The following DNAH2 variants were observed in gnomAD, a reference collection of about 807,000 sequenced individuals.
DNAH2 encodes axonemal beta dynein heavy chain 2.
In DNAH2, 323 loss-of-function variants were observed where a neutral mutation model predicts 523.5. The ratio of observed to expected loss-of-function variants is 0.62; its 90% CI spans 0.56 to 0.68. The LOEUF is 0.68. DNAH2 is among the 30% of genes least tolerant of loss of function. The probability of loss-of-function intolerance (pLI) is 0.00; values close to 1 mark genes in which losing one functional copy is unlikely to be tolerated. For synonymous variants in DNAH2, 2,093 were observed against 2,177.4 expected, an observed-to-expected ratio of 0.96 and a Z score of 1.08; for missense variants, 4,907 against 5,701.5, an observed-to-expected ratio of 0.86 and a Z score of 4.49.
At position 7,792,362 on chromosome 17, in the gene DNAH2, T is replaced by A. The variant is rs772531721; in HGVS notation, c.7145+19T>A. The A allele has an allele frequency of 2.7e-5, 43 of 1,612,232 alleles. No homozygotes were observed. The South Asian group carries it at 4.7e-4, about 18-fold the overall frequency. ...CTCCAAAGTAAGAGCTGGGCCTGGG[T>A]GTGAGGAGGGCATGGGGCAGCGGTA... On this transcript the variant is annotated intron_variant, in intron 46 of 85. Transcript: ENST00000572933.
Position 7,801,913 on chromosome 17 carries a change from G to A in DNAH2, c.8868G>A (p.Met2956Ile), listed in dbSNP as rs1567724138. 16 of 1,614,208 alleles carry A rather than the reference G, an allele frequency of 9.9e-6. No individual in the cohort carries two copies. Among genetic ancestry groups the A allele is most frequent in the Non-Finnish European group, 1.4e-5 (16 of 1,180,046 alleles). The change falls in exon 58 of 86, where the codon ATG becomes ATA. Residue 2956 changes from methionine (M) to isoleucine (I), a missense_variant. Transcript: ENST00000572933. The stretch of plus-strand genomic sequence containing the variant: ...AGGTGGCCCAGATCTTTGTCACTAT[G>A]CACTGGTCAGTAGCTCAGTATTCCC... ...HRKVAQIFVT[M>I]HWSVAQYSQK...
At position 7,759,914 on chromosome 17, in the gene DNAH2, C is replaced by T. The variant is rs148215103; in HGVS notation, c.2761C>T (p.Arg921Cys). ...PDILTKRKLH[R>C]EPIQTVVEQD... ...CATTCTCACCAAGCGCAAGTTACATCGTGAACCCATCCAAACAGTTGTGGG... is the reference window on the plus strand; with the variant it reads ...CATTCTCACCAAGCGCAAGTTACATTGTGAACCCATCCAAACAGTTGTGGG... Residue 921 changes from arginine (R) to cysteine (C), a missense_variant, in exon 17 of 86, where the codon CGT becomes TGT. Arg to Cys is a radical substitution (Grantham distance 180). Transcript: ENST00000572933. The T allele has an allele frequency of 6.2e-5, 100 of 1,614,168 alleles. No homozygotes were observed. In the African/African-American group the frequency reaches 1.0e-3, roughly 16 times the overall value.
intron 13 of DNAH2, 102 bp downstream of exon 13, chr17:7,757,339 C>T: frequency 7.0e-7 from 1 of 1,431,404 alleles, no homozygotes; most frequent in Non-Finnish European, 9.4e-7. Context: ...AATTTCTGTC[C>T]TCTACATCTT....
chr17:7,802,492 T>A (rs909211308), intron 58 of DNAH2, among the ~76,000 whole-genome samples: 3 of 152,156 alleles, frequency 2.0e-5, no homozygotes, highest in African/African-American at 7.2e-5. Context: ...TAGAATGGAG[T>A]ATCTGCATGT....
chr17:7,758,396 G>A, intron 13 of DNAH2, 99 bp from the exon 14 acceptor site: 1 of 1,402,982 alleles, frequency 7.1e-7, no homozygotes. Context: ...ATCTAGACTA[G>A]TGGTCTAGAA....
chr17:7,804,581 C>T (rs556138171), intron 59 of DNAH2, 115 bp downstream of exon 59: 2 of 1,222,542 alleles, frequency 1.6e-6, no homozygotes, highest in African/African-American at 1.5e-5. Flanking sequence ...TGCAGTGGCT[C>T]ACGCCTGTAA....
At chr17:7,726,271 G>A (rs929279150) in intron 3 of DNAH2, among the ~76,000 whole-genome samples, 32 of 150,696 alleles carry the variant, frequency 2.1e-4, no homozygotes, top group African/African-American at 6.8e-4. Flanking sequence ...CTCCCAAAGC[G>A]CTAGGATTAC....
chr17:7,818,628 T>C lies in DNAH2; in HGVS notation c.10537-15T>C. Reference sequence around the variant, plus strand: ...AGGAGTGACAGCCCCTCACTGTGAGTCCTGATGCCCCCAGGGCCTGGAGGC... The same window carrying C: ...AGGAGTGACAGCCCCTCACTGTGAGCCCTGATGCCCCCAGGGCCTGGAGGC... On this transcript the variant is annotated splice_polypyrimidine_tract_variant and intron_variant, in intron 69 of 85. Transcript: ENST00000572933. 2 of 1,613,426 alleles carry C rather than the reference T, an allele frequency of 1.2e-6. No homozygotes were observed. Among genetic ancestry groups the C allele is most frequent in the Non-Finnish European group, 1.7e-6 (2 of 1,179,878 alleles).
At chr17:7,726,203 A>G (rs2074803869) in intron 3 of DNAH2, among the ~76,000 whole-genome samples, 1 of 151,714 alleles carries the variant, frequency 6.6e-6, no homozygotes. Flanking sequence ...ATGGGGTTTC[A>G]CCATGTTGGC....
At position 7,786,165 on chromosome 17, in the gene DNAH2, G is replaced by C; in HGVS notation, c.6171G>C (p.Leu2057=). ...AGCAGGAGATTCGAGACATGGGCCT[G>C]CAAAGCACGCCGTTCACCCTCACCA... The part of the protein sequence containing the change: ...TVEQEIRDMG[L]QSTPFTLTKV... The change falls in exon 40 of 86, where the codon CTG becomes CTC. Residue 2057 remains leucine, a synonymous_variant. Coordinates refer to ENST00000572933, the MANE Select transcript of DNAH2 (RefSeq NM_020877.5). The surrounding 1 kb of genome is among the most constrained non-coding windows in gnomAD (Gnocchi z 7.5). 1 of 1,613,962 alleles carries C rather than the reference G, an allele frequency of 6.2e-7. No individual in the cohort carries two copies.
At chr17:7,750,633 CTCTT>C (rs2151177167) in intron 12 of DNAH2, among the ~76,000 whole-genome samples, 1 of 152,270 alleles carries the variant, frequency 6.6e-6, no homozygotes, top group African/African-American at 2.4e-5. Context: ...TTTGGCCTCT[CTCTT>C]TTACTTTGGA....
At chr17:7,750,422 C>T (rs1444680513) in intron 12 of DNAH2, among the ~76,000 whole-genome samples, 1 of 152,170 alleles carries the variant, frequency 6.6e-6, no homozygotes, top group African/African-American at 2.4e-5. Flanking sequence ...TGTTTGATTT[C>T]ATGTTTCCTT....
intron 4 of DNAH2, among the ~76,000 whole-genome samples, chr17:7,729,967 G>A (rs957687351): frequency 1.3e-5 from 2 of 152,010 alleles, no homozygotes; most frequent in South Asian, 2.1e-4. Context: ...GCCCAAGCAC[G>A]AGCAAAATGA....
At position 7,758,757 on chromosome 17, in the gene DNAH2, A is replaced by C. The variant is rs556631440; in HGVS notation, c.2208+106A>C. 5.3e-5 allele frequency: 83 copies of C among 1,557,416 alleles called. No individual in the cohort carries two copies. The African/African-American group carries it at 1.1e-3, about 21-fold the overall frequency. ...ACCTGGGGGTAGTGTAAAAAGAATT[A>C]AGTTTGCTTGGGGAAGGACTTTTTT... On this transcript the variant is annotated intron_variant, in intron 14 of 85. Transcript: ENST00000572933.
chr17:7,823,900 G>A lies in DNAH2; in HGVS notation c.11396G>A (p.Arg3799His), dbSNP rs1208017046. The change falls in exon 75 of 86, where the codon CGC becomes CAC. Residue 3799 changes from arginine to histidine, a missense_variant. Coordinates refer to ENST00000572933, the MANE Select transcript of DNAH2 (RefSeq NM_020877.5). ...ATCGTTCGCTCCCTGCGCCAGGACC[G>A]CGTGGCCTTCTGCGTGACCTCCTTC... Reference protein sequence around the residue: ...MLIVRSLRQDRVAFCVTSFII... With the variant: ...MLIVRSLRQDHVAFCVTSFII... 9.9e-6 allele frequency: 16 copies of A among 1,614,078 alleles called. No homozygotes were observed. Among genetic ancestry groups the A allele is most frequent in the East Asian group, 2.2e-5 (1 of 44,882 alleles).
rs747958177 is a variant in DNAH2 at position 7,774,862 on chromosome 17, C to T, written c.4605C>T (p.Tyr1535=). 5 of 1,614,244 alleles carry T rather than the reference C, an allele frequency of 3.1e-6. No individual in the cohort carries two copies. The South Asian group carries it at 4.4e-5, about 14-fold the overall frequency. The change falls in exon 29 of 86, where the codon TAC becomes TAT. Residue 1535 remains tyrosine, a synonymous_variant. Coordinates refer to ENST00000572933, the MANE Select transcript of DNAH2 (RefSeq NM_020877.5). The part of the protein sequence containing the change: ...ETKRHIFPRF[Y]FLSNDDLLEI... ...AGCGACATATTTTCCCCCGCTTCTA[C>T]TTCTTGTCCAATGATGACCTGCTGG...
rs765964672 is a variant in DNAH2, at chr17:7,770,826, G to C, written c.4255G>C (p.Val1419Leu). ...ALSTMKASRF[V>L]KAFEKDVDHW... ...GTCTACCATGAAGGCATCACGCTTTGTCAAGGCCTTTGAGAAGGATGTGGA... is the reference window on the plus strand; with the variant it reads ...GTCTACCATGAAGGCATCACGCTTTCTCAAGGCCTTTGAGAAGGATGTGGA... Residue 1419 changes from valine to leucine, a missense_variant, in exon 27 of 86, where the codon GTC (valine) becomes CTC (leucine). By Grantham distance (32) the Val-to-Leu change is conservative. Transcript: ENST00000572933. 5 of 1,614,190 alleles carry C rather than the reference G, an allele frequency of 3.1e-6. No individual in the cohort carries two copies. The highest frequency in any genetic ancestry group is 4.2e-6 in the Non-Finnish European group (5 of 1,180,026).
rs2076569205 is a variant in DNAH2, at chr17:7,780,324, C to T, written c.5850+40C>T. The T allele has an allele frequency of 6.2e-7, 1 of 1,613,390 alleles. No individual in the cohort carries two copies. The highest frequency in any genetic ancestry group is 1.7e-5 in the Admixed American group (1 of 59,786). On this transcript the variant is annotated intron_variant, in intron 37 of 85. Transcript: ENST00000572933. The surrounding 1 kb of genome is among the most constrained non-coding windows in gnomAD (Gnocchi z 4.4). ...CCTTTTCTCCAGTGATTTTAATTTC[C>T]TTTCATAATTATTCCCTGGACAGAG...
intron 4 of DNAH2, among the ~76,000 whole-genome samples, chr17:7,730,670 GA>G (rs2074956655): frequency 1.3e-5 from 2 of 152,162 alleles, no homozygotes; most frequent in Admixed American, 1.3e-4. Context: ...ATTGGGAAAA[GA>G]AAACTGGCCT....
Sources: gnomAD v4.1 joint callset for allele counts (sites outside exome capture counted in the v4.1 genomes callset) on GRCh38, gnomAD v4.1.1 for gene constraint, Gnocchi (gnomAD v3.1) non-coding constraint, MANE v1.5 for transcripts, NCBI Gene and HGNC (gene_info 2026-07-23, HGNC 2026-07-21) for gene names.